RIMBP2: variants seen among roughly 807,000 people sequenced by gnomAD.
RIMBP2 encodes the protein RIMS binding protein 2.
In RIMBP2, 48 loss-of-function variants were observed where a neutral mutation model predicts 118.6. That is an observed-to-expected ratio of 0.40 (90% confidence interval 0.32 to 0.51). RIMBP2 has a LOEUF of 0.51. Ranked by LOEUF, RIMBP2 falls within the 20% of genes least tolerant of loss-of-function variation. The probability of loss-of-function intolerance (pLI) is 0.41; values close to 1 mark genes in which losing one functional copy is unlikely to be tolerated. For synonymous variants in RIMBP2, 762 were observed against 742.9 expected (o/e 1.03, Z -0.42); for missense variants, 1,551 against 1,768.3 (o/e 0.88, Z 2.20).
At chr12:130,533,186 T>C (rs1162634038) in intron 2 of RIMBP2, among the ~76,000 whole-genome samples, 1 of 152,126 alleles carries the variant, frequency 6.6e-6, no homozygotes, top group Non-Finnish European at 1.5e-5. Context: ...GAGATGCGTG[T>C]GTTTAGCCTC....
At chr12:130,459,067 A>C (rs2079734834) in intron 6 of RIMBP2, among the ~76,000 whole-genome samples, 1 of 151,036 alleles carries the variant, frequency 6.6e-6, no homozygotes, top group African/African-American at 2.4e-5. Context: ...AAACAAAAAA[A>C]AAGTGAATAG....
chr12:130,653,409 C>T (rs2063305932), intron 1 of RIMBP2, among the ~76,000 whole-genome samples: 1 of 152,238 alleles, frequency 6.6e-6, no homozygotes, highest in Non-Finnish European at 1.5e-5. Context: ...CATCCGGGCA[C>T]ACTGGTGCAA....
chr12:130,507,109 T>C (rs2050436588), intron 3 of RIMBP2, among the ~76,000 whole-genome samples: 1 of 152,178 alleles, frequency 6.6e-6, no homozygotes, highest in African/African-American at 2.4e-5. Flanking sequence ...CCCAGTTGCA[T>C]TCTGGGGGAA....
At chr12:130,593,526 G>T (rs897956209) in intron 2 of RIMBP2, among the ~76,000 whole-genome samples, 1 of 152,342 alleles carries the variant, frequency 6.6e-6, no homozygotes, top group South Asian at 2.1e-4. Flanking sequence ...ACTGAAGAAG[G>T]TCCCGCACCC....
chr12:130,522,615 C>T (rs1056101448), intron 2 of RIMBP2, among the ~76,000 whole-genome samples: 2 of 152,298 alleles, frequency 1.3e-5, no homozygotes, highest in South Asian at 2.1e-4. Context: ...CGGGGCGCTG[C>T]GTAAAAGCAG....
At chr12:130,443,399 G>C (rs1001671169) in intron 10 of RIMBP2, among the ~76,000 whole-genome samples, 1 of 152,202 alleles carries the variant, frequency 6.6e-6, no homozygotes, top group African/African-American at 2.4e-5. Flanking sequence ...ACGGAGAAGT[G>C]TTCAGAGCTT....
intron 2 of RIMBP2, among the ~76,000 whole-genome samples, chr12:130,590,510 C>T (rs779214357): frequency 3.3e-5 from 5 of 152,146 alleles, no homozygotes; most frequent in South Asian, 2.1e-4. Context: ...AAGGGCTCCC[C>T]GCAGCCCTCT....
chr12:130,481,256 C>T (rs1032034674), intron 4 of RIMBP2, among the ~76,000 whole-genome samples: 3 of 152,262 alleles, frequency 2.0e-5, no homozygotes, highest in East Asian at 3.9e-4. Flanking sequence ...GGTAGCCCTA[C>T]TGCTACCTTT....
rs753454208 is a variant in RIMBP2 at position 130,446,027 on chromosome 12, C to A, written c.582-758G>T. 1.0e-3 allele frequency among the ~76,000 whole-genome samples: 131 copies of A among 130,952 alleles called. No individual in the cohort carries two copies. The highest frequency in any genetic ancestry group is 1.5e-3 in the Non-Finnish European group (103 of 67,210). The allele number at this position is 130,952 out of a possible 152,430, so 85.9% of individuals were successfully genotyped here. The stretch of plus-strand genomic sequence containing the variant: ...GACGCATGATTTTATGCTCCCCCCC[C>A]CCACACCCCCAGGAATATAAGAGTA... On this transcript the variant is annotated intron_variant, in intron 9 of 22. Coordinates refer to ENST00000690449, the MANE Select transcript of RIMBP2 (RefSeq NM_001393629.1). This position sits in a 1 kb window ranked among gnomAD's most constrained non-coding sequence, Gnocchi z 4.1.
At chr12:130,607,706 C>A (rs968001435) in intron 2 of RIMBP2, among the ~76,000 whole-genome samples, 27 of 152,058 alleles carry the variant, frequency 1.8e-4, no homozygotes, top group Non-Finnish European at 8.8e-5. Context: ...TGGTCAGAAA[C>A]TGCTCGGAAT....
At chr12:130,689,790 G>A (rs892174325) in intron 1 of RIMBP2, among the ~76,000 whole-genome samples, 9 of 152,274 alleles carry the variant, frequency 5.9e-5, no homozygotes, top group South Asian at 2.1e-4. Flanking sequence ...TCTATGCATC[G>A]TACCAAATGA....
rs907950551 is a variant in RIMBP2, at chr12:130,622,030, G to A, written c.-217+6292C>T. Among the ~76,000 whole-genome samples, 5 of 152,180 alleles carry A rather than the reference G, an allele frequency of 3.3e-5. No homozygotes were observed. Among genetic ancestry groups the A allele is most frequent in the African/African-American group, 4.8e-5 (2 of 41,446 alleles). ...CAGAACAAAATGAAACCAACAAAAT[G>A]GAATTTAAAATACATAATTGCTTTA... On this transcript the variant is annotated intron_variant, in intron 2 of 22. Coordinates refer to ENST00000690449, the MANE Select transcript of RIMBP2 (RefSeq NM_001393629.1). This position sits in a 1 kb window ranked among gnomAD's most constrained non-coding sequence, Gnocchi z 8.5.
At chr12:130,468,546 C>G (rs11060917) in intron 6 of RIMBP2, among the ~76,000 whole-genome samples, 1 of 152,236 alleles carries the variant, frequency 6.6e-6, no homozygotes, top group South Asian at 2.1e-4. Flanking sequence ...AAAGGCCTGT[C>G]TCGGGGGCAA....
In RIMBP2 at chr12:130,424,971, G is replaced by GA; in HGVS notation, c.2413-114_2413-113insT. 1.8e-6 allele frequency: 1 copy of GA among 556,764 alleles called. No individual in the cohort carries two copies. Among genetic ancestry groups the GA allele is most frequent in the Non-Finnish European group, 2.7e-6 (1 of 372,066 alleles). 34.5% of individuals were successfully genotyped at this position (556,764 alleles called of 1,614,324 possible). A position where few individuals can be genotyped will look rare whatever the true frequency, so the allele number is the denominator to read the frequency against. ...CAGAATTAGTCCTGGAGGCACCGAG[G>GA]GGGGGGAAGCATGCGTCTACTCAGG... On this transcript the variant is annotated intron_variant, in intron 15 of 22. Transcript: ENST00000690449. This position sits in a 1 kb window ranked among gnomAD's most constrained non-coding sequence, Gnocchi z 9.8.
At chr12:130,689,355 C>A (rs1566458889) in intron 1 of RIMBP2, among the ~76,000 whole-genome samples, 1 of 152,286 alleles carries the variant, frequency 6.6e-6, no homozygotes, top group South Asian at 2.1e-4. Context: ...ATCGCTTGAA[C>A]CCGGGAGGCG....
At chr12:130,653,228 C>T (rs1222701284) in intron 1 of RIMBP2, among the ~76,000 whole-genome samples, 8 of 152,218 alleles carry the variant, frequency 5.3e-5, no homozygotes, top group Non-Finnish European at 7.3e-5. Flanking sequence ...TGTAAAATCA[C>T]GTCGTTTACT....
At chr12:130,699,527 A>G (rs1435997522) in intron 1 of RIMBP2, among the ~76,000 whole-genome samples, 1 of 138,588 alleles carries the variant, frequency 7.2e-6, no homozygotes, top group African/African-American at 2.7e-5. Context: ...GAACTGAACA[A>G]TGAGAACACA....
chr12:130,528,408 C>T (rs968616156), intron 2 of RIMBP2, among the ~76,000 whole-genome samples: 3 of 152,082 alleles, frequency 2.0e-5, no homozygotes, highest in Non-Finnish European at 4.4e-5. Flanking sequence ...GAAGAGAACA[C>T]ATGGACATAG....
chr12:130,497,427 A>G (rs2049293431), intron 4 of RIMBP2, among the ~76,000 whole-genome samples: 1 of 152,162 alleles, frequency 6.6e-6, no homozygotes, highest in Non-Finnish European at 1.5e-5. Context: ...GTGAGTGTGA[A>G]GTTAAACCGT....
Sources: gnomAD v4.1 joint callset for allele counts (sites outside exome capture counted in the v4.1 genomes callset) on GRCh38, gnomAD v4.1.1 for gene constraint, Gnocchi (gnomAD v3.1) non-coding constraint, MANE v1.5 for transcripts, NCBI Gene and HGNC (gene_info 2026-07-23, HGNC 2026-07-21) for gene names.